FDFT1: variants seen among roughly 807,000 people sequenced by gnomAD.
The protein encoded by FDFT1 is farnesyl-diphosphate farnesyltransferase 1.
Under a neutral mutation model 46.8 loss-of-function variants are expected in FDFT1, and 68 were observed. That is an observed-to-expected ratio of 1.45 (90% CI 1.19 to 1.78). FDFT1 has a LOEUF of 1.78. Among genes scored for constraint, FDFT1 ranks in the 40% most tolerant of loss-of-function variants. FDFT1 has a pLI of 0.00. For missense variants in FDFT1, 928 were observed against 524.4 expected, an observed-to-expected ratio of 1.77 and a Z score of -7.52; for synonymous variants, 351 against 185.1, an observed-to-expected ratio of 1.90 and a Z score of -7.28.
chr8:11,817,081 G>C (rs1479247430), intron 3 of FDFT1, among the ~76,000 whole-genome samples: 2 of 152,172 alleles, frequency 1.3e-5, no homozygotes, highest in African/African-American at 4.8e-5. Flanking sequence ...TAGCATGAAA[G>C]ACTGTTGAAT....
chr8:11,832,339 G>C (rs1170196961), intron 7 of FDFT1, among the ~76,000 whole-genome samples: 5 of 151,914 alleles, frequency 3.3e-5, no homozygotes, highest in African/African-American at 1.2e-4. Context: ...AGGATCACTT[G>C]AGGCCAGGAA....
chr8:11,811,042 G>A (rs953666144), intron 3 of FDFT1, among the ~76,000 whole-genome samples: 4 of 150,868 alleles, frequency 2.7e-5, no homozygotes, highest in African/African-American at 9.7e-5. Flanking sequence ...CCCAAATATA[G>A]TACAACATAA....
intron 1 of FDFT1, among the ~76,000 whole-genome samples, chr8:11,806,937 TA>T (rs958142280): frequency 9.2e-5 from 14 of 152,242 alleles, no homozygotes; most frequent in African/African-American, 2.9e-4. Context: ...TAATATTTTT[TA>T]TGGCAATAAA....
Position 11,835,971 on chromosome 8 carries a change from T to TAAAAAAAAAAAAAAAAAAAA in FDFT1, c.1033-2412_1033-2393dup, listed in dbSNP as rs755611965. ...TTATGTGATGAAACCCTGTCTCTAC[T>TAAAAAAAAAAAAAAAAAAAA]AAAAAAAAAAAAAAAAAAAAAAAAT... On this transcript the variant is annotated intron_variant, in intron 7 of 7. Coordinates refer to ENST00000220584, the MANE Select transcript of FDFT1 (RefSeq NM_004462.5). Among the ~76,000 whole-genome samples the TAAAAAAAAAAAAAAAAAAAA allele has an allele frequency of 6.5e-4, 42 of 64,602 alleles. 1 individual carries two copies. The highest frequency in any genetic ancestry group is 8.6e-4 in the Non-Finnish European group (29 of 33,640). 42.4% of individuals were successfully genotyped at this position (64,602 alleles called of 152,430 possible).
chr8:11,830,002 C>T (rs958367642), intron 5 of FDFT1, among the ~76,000 whole-genome samples: 13 of 152,034 alleles, frequency 8.6e-5, no homozygotes, highest in African/African-American at 2.4e-4. Flanking sequence ...CGCCTGCCAC[C>T]GTACCCGGCT....
intron 3 of FDFT1, among the ~76,000 whole-genome samples, chr8:11,813,996 C>A (rs1020937112): frequency 6.6e-6 from 1 of 152,128 alleles, no homozygotes; most frequent in African/African-American, 2.4e-5. Flanking sequence ...TGTACAATTA[C>A]GTAATAAATA....
chr8:11,831,783 G>A (rs776137740), intron 7 of FDFT1, 113 bp downstream of exon 7: 231 of 903,124 alleles, frequency 2.6e-4, no homozygotes, highest in Non-Finnish European at 2.6e-4. Context: ...CTATCCTGTG[G>A]CCTAAAGAGA....
intron 7 of FDFT1, among the ~76,000 whole-genome samples, chr8:11,838,039 T>G (rs1270861727): frequency 6.6e-6 from 1 of 152,240 alleles, no homozygotes; most frequent in African/African-American, 2.4e-5. Context: ...CATGTTAGTC[T>G]GTGCCTGTCT....
intron 5 of FDFT1, among the ~76,000 whole-genome samples, chr8:11,828,244 C>T (rs555504921): frequency 6.6e-6 from 1 of 152,276 alleles, no homozygotes; most frequent in South Asian, 2.1e-4. Context: ...ACCATGATCG[C>T]ACCACTGCAT....
At chr8:11,837,273 C>G (rs903908030) in intron 7 of FDFT1, among the ~76,000 whole-genome samples, 1 of 152,240 alleles carries the variant, frequency 6.6e-6, no homozygotes, top group Non-Finnish European at 1.5e-5. Context: ...TTCTGTCATC[C>G]AGGCTGGAGT....
intron 7 of FDFT1, among the ~76,000 whole-genome samples, chr8:11,837,356 A>C (rs190931656): frequency 6.6e-6 from 1 of 152,170 alleles, no homozygotes; most frequent in East Asian, 1.9e-4. Context: ...CCAGTCCCCA[A>C]GTAGCTGGGG....
chr8:11,795,928 C>G (rs549423267), exon 1 of FDFT1: 1 of 152,458 alleles, frequency 6.6e-6, no homozygotes, highest in Non-Finnish European at 1.5e-5. Context: ...ACACTCACCG[C>G]GAGGGTGGGC....
Position 11,831,660 on chromosome 8 carries a change from A to T in FDFT1, c.1022A>T (p.Tyr341Phe). 6.2e-7 allele frequency: 1 copy of T among 1,613,358 alleles called. No homozygotes were observed. Among genetic ancestry groups the T allele is most frequent in the East Asian group, 2.2e-5 (1 of 44,878 alleles). ...GCTGTCAAAGCCATCATATATCAGT[A>T]TATGGAAGAGGTGGGTTTTTATTTA... The part of the protein sequence containing the change: ...MPAVKAIIYQ[Y>F]MEEIYHRIPD... Residue 341 changes from tyrosine (Y) to phenylalanine (F), a missense_variant, in exon 7 of 8, where the codon TAT becomes TTT. By Grantham distance (22) the Tyr-to-Phe change is conservative. Transcript: ENST00000220584.
chr8:11,817,887 T>A (rs543150902), intron 3 of FDFT1, among the ~76,000 whole-genome samples: 8 of 152,220 alleles, frequency 5.3e-5, no homozygotes, highest in Admixed American at 2.0e-4. Context: ...CTTAGTTATT[T>A]CTTGCCTTTT....
At chr8:11,815,956 G>C (rs1157904390) in intron 3 of FDFT1, among the ~76,000 whole-genome samples, 1 of 152,186 alleles carries the variant, frequency 6.6e-6, no homozygotes, top group Non-Finnish European at 1.5e-5. Flanking sequence ...CCTATGTCCT[G>C]AATGGTATTG....
intron 7 of FDFT1, among the ~76,000 whole-genome samples, chr8:11,833,165 C>T (rs534781453): frequency 1.3e-5 from 2 of 151,946 alleles, no homozygotes; most frequent in East Asian, 1.9e-4. Flanking sequence ...AGCCAGTGAC[C>T]CAAAAAATTG....
chr8:11,830,178 A>G, intron 5 of FDFT1, 66 bp from the exon 6 acceptor site: 11 of 1,273,642 alleles, frequency 8.6e-6, no homozygotes, highest in East Asian at 2.3e-5. Context: ...AAGACCCTTT[A>G]ATATTGTTTG....
intron 7 of FDFT1, among the ~76,000 whole-genome samples, chr8:11,838,133 C>T (rs780702388): frequency 1.3e-5 from 2 of 152,122 alleles, no homozygotes; most frequent in East Asian, 1.9e-4. Flanking sequence ...CCGCTGCTCT[C>T]GAGGGCCTCT....
rs954041477 is a variant in FDFT1 at position 11,802,850 on chromosome 8, C to T, written c.18C>T (p.Cys6=). 4 of 1,611,102 alleles carry T rather than the reference C, an allele frequency of 2.5e-6. No homozygotes were observed. The Admixed American group carries it at 5.0e-5, about 20-fold the overall frequency. Residue 6 remains cysteine (C), a synonymous_variant, in exon 1 of 8, where the codon TGC becomes TGT. Transcript: ENST00000220584. MEFVK[C]LGHPEEFYNL... is the part of the protein sequence containing the mutation. ...GCGCCAGGATGGAGTTCGTGAAATG[C>T]CTTGGCCACCCCGAAGAGTTCTACA...
Sources: allele counts gnomAD v4.1 joint callset (sites outside exome capture counted in the v4.1 genomes callset), GRCh38; gene constraint gnomAD v4.1.1; transcripts MANE v1.5; gene names NCBI Gene and HGNC (gene_info 2026-07-23, HGNC 2026-07-21).